The following SPHKAP variants were observed in gnomAD, a reference collection of about 807,000 sequenced individuals.
SPHKAP encodes the protein SPHK1 interactor, AKAP domain containing, also known as A-kinase anchor protein SPHKAP.
A neutral mutation model predicts 137.5 loss-of-function variants in SPHKAP; 67 were observed. The observed-to-expected ratio is 0.49, with a 90% CI of 0.40 to 0.60. The LOEUF is 0.60. Ranked by LOEUF, SPHKAP falls within the 20% of genes least tolerant of loss-of-function variation. The pLI is 0.00. For missense variants in SPHKAP, 2,097 were observed against 2,069.3 expected (o/e 1.01, Z -0.26); for synonymous variants, 813 against 785.3 (o/e 1.04, Z -0.59).
At chr2:228,162,184 G>T (rs1015308229) in intron 1 of SPHKAP, among the ~76,000 whole-genome samples, 3 of 152,194 alleles carry the variant, frequency 2.0e-5, no homozygotes, top group African/African-American at 7.2e-5. Flanking sequence ...GAGGTTTGCT[G>T]CTTCTGTGTA....
In SPHKAP at chr2:228,136,073, T is replaced by C. The variant is rs78760725; in HGVS notation, c.33-3988A>G. On this transcript the variant is annotated intron_variant, in intron 1 of 11. Coordinates refer to ENST00000392056, the MANE Select transcript of SPHKAP (RefSeq NM_001142644.2). ...GTGATCTCTAGAGAAGCAGAACATT[T>C]GCTGTTACAGGATGAGGCAGAGATG... 4.0e-4 allele frequency among the ~76,000 whole-genome samples: 61 copies of C among 152,310 alleles called. 3 individuals are homozygous for C. The East Asian group carries it at 0.011, about 28-fold the overall frequency.
intron 1 of SPHKAP, among the ~76,000 whole-genome samples, chr2:228,142,014 C>T (rs1434666284): frequency 6.6e-6 from 1 of 152,168 alleles, no homozygotes; most frequent in Non-Finnish European, 1.5e-5. Flanking sequence ...GGAGGCCCTG[C>T]TTCACTTATC....
intron 3 of SPHKAP, among the ~76,000 whole-genome samples, chr2:228,076,812 T>C (rs2106309056): frequency 6.6e-6 from 1 of 152,324 alleles, no homozygotes; most frequent in Non-Finnish European, 1.5e-5. Context: ...TTTGCATAAG[T>C]AACAAGAAGC....
chr2:228,127,151 G>A (rs1441825635), intron 2 of SPHKAP, among the ~76,000 whole-genome samples: 1 of 152,142 alleles, frequency 6.6e-6, no homozygotes, highest in East Asian at 1.9e-4. Flanking sequence ...GGTTTATCAG[G>A]ACAGCCTTGC....
chr2:227,991,464 A>G (rs1191363457), intron 9 of SPHKAP, 138 bp from the exon 10 acceptor site: 10 of 1,515,242 alleles, frequency 6.6e-6, no homozygotes, highest in Non-Finnish European at 8.8e-6. Context: ...GAGTAGAGTA[A>G]TGCTGGGAAA....
At chr2:228,168,547 A>T (rs979701780) in intron 1 of SPHKAP, among the ~76,000 whole-genome samples, 1 of 152,202 alleles carries the variant, frequency 6.6e-6, no homozygotes, top group Non-Finnish European at 1.5e-5. Context: ...GGCACCACAC[A>T]CCATGGCTAT....
intron 2 of SPHKAP, among the ~76,000 whole-genome samples, chr2:228,119,963 G>A (rs775014481): frequency 3.9e-5 from 6 of 152,062 alleles, no homozygotes; most frequent in Non-Finnish European, 5.9e-5. Context: ...AAGCATTCAT[G>A]CATTATACCA....
At chr2:228,022,164 G>C in intron 5 of SPHKAP, 198 bp from the exon 6 acceptor site, 1 of 985,234 alleles carries the variant, frequency 1.0e-6, no homozygotes, top group Non-Finnish European at 1.2e-6. Flanking sequence ...GTACCTAGGA[G>C]AAAGCCTGAC....
chr2:228,016,983 A>AAG lies in SPHKAP; in HGVS notation c.3869_3870dup (p.Cys1291LeufsTer16), dbSNP rs1694627189. The AAG allele has an allele frequency of 6.2e-7, 1 of 1,614,034 alleles. No homozygotes were observed. Among genetic ancestry groups the AAG allele is most frequent in the African/African-American group, 1.3e-5 (1 of 74,918 alleles). ...TCAGTCCCACCTCTCCGATACAAGC[A>AAG]AGAGTCAGATTTGCAGAGACCGGAT... On this transcript the variant is annotated frameshift_variant, in exon 7 of 12. Transcript: ENST00000392056. LOFTEE classifies it high-confidence loss of function.
In SPHKAP at chr2:228,108,581, A is replaced by G. The variant is rs1220293608; in HGVS notation, c.246+251T>C. On this transcript the variant is annotated intron_variant, in intron 3 of 11. Coordinates refer to ENST00000392056, the MANE Select transcript of SPHKAP (RefSeq NM_001142644.2). ...AATTCTATTTCTGAATCTTTTTCGCAGTCATTTTTGTAAATATAAACATTT... is the reference window on the plus strand; with the variant it reads ...AATTCTATTTCTGAATCTTTTTCGCGGTCATTTTTGTAAATATAAACATTT... Among the ~76,000 whole-genome samples, 5 of 152,312 alleles carry G rather than the reference A, an allele frequency of 3.3e-5. No individual in the cohort carries two copies. In the East Asian group the frequency reaches 9.6e-4, roughly 29 times the overall value.
intron 1 of SPHKAP, among the ~76,000 whole-genome samples, chr2:228,151,368 A>T (rs1365887167): frequency 6.6e-6 from 1 of 151,390 alleles, no homozygotes; most frequent in Admixed American, 6.6e-5. Flanking sequence ...AGTCTTTGCT[A>T]TTGTGAATAG....
intron 2 of SPHKAP, among the ~76,000 whole-genome samples, chr2:228,128,477 G>A (rs575729240): frequency 6.6e-6 from 1 of 152,164 alleles, no homozygotes; most frequent in East Asian, 1.9e-4. Context: ...ATTCATGAGA[G>A]TTGGAATCAA....
intron 2 of SPHKAP, among the ~76,000 whole-genome samples, chr2:228,129,607 A>C (rs2106372481): frequency 6.6e-6 from 1 of 152,116 alleles, no homozygotes; most frequent in East Asian, 1.9e-4. Flanking sequence ...ATATGGTTCA[A>C]TTTCCCAGTA....
chr2:228,163,828 G>A (rs1482999082), intron 1 of SPHKAP, among the ~76,000 whole-genome samples: 1 of 152,116 alleles, frequency 6.6e-6, no homozygotes, highest in Non-Finnish European at 1.5e-5. Flanking sequence ...TGCCACTTTT[G>A]AATAATCCTA....
At chr2:228,140,647 T>C (rs1354134825) in intron 1 of SPHKAP, among the ~76,000 whole-genome samples, 2 of 152,168 alleles carry the variant, frequency 1.3e-5, no homozygotes, top group Non-Finnish European at 2.9e-5. Context: ...TCATGTTGAA[T>C]TATAATCCCC....
chr2:228,120,327 G>A (rs996423996), intron 2 of SPHKAP, among the ~76,000 whole-genome samples: 1 of 152,052 alleles, frequency 6.6e-6, no homozygotes, highest in African/African-American at 2.4e-5. Context: ...ATATATACCT[G>A]GTCTAAGTTT....
chr2:227,991,429 T>G, intron 9 of SPHKAP, 103 bp from the exon 10 acceptor site: 1 of 1,591,936 alleles, frequency 6.3e-7, no homozygotes, highest in Non-Finnish European at 8.5e-7. Context: ...CTTCTGAAGT[T>G]CATTCTGGAT....
intron 7 of SPHKAP, among the ~76,000 whole-genome samples, chr2:228,001,230 CATATATAT>C (rs35028587): frequency 7.2e-6 from 1 of 138,436 alleles, no homozygotes; most frequent in South Asian, 2.3e-4. Flanking sequence ...TTTATATAAA[CATATATAT>C]ATATATATAT....
intron 1 of SPHKAP, among the ~76,000 whole-genome samples, chr2:228,144,368 G>A (rs1207139224): frequency 6.6e-6 from 1 of 152,006 alleles, no homozygotes; most frequent in African/African-American, 2.4e-5. Context: ...GGTTTTCCAC[G>A]ATGTAGTTCC....
Sources: gnomAD v4.1 joint callset for allele counts (sites outside exome capture counted in the v4.1 genomes callset) on GRCh38, gnomAD v4.1.1 for gene constraint, MANE v1.5 for transcripts, NCBI Gene and HGNC (gene_info 2026-07-23, HGNC 2026-07-21) for gene names.